TXNRD2: variants seen among roughly 807,000 people sequenced by gnomAD.
TXNRD2 encodes the protein thioredoxin reductase 2.
A neutral mutation model predicts 70.8 loss-of-function variants in TXNRD2; 67 were observed. The ratio of observed to expected loss-of-function variants is 0.95; its 90% confidence interval spans 0.78 to 1.16. TXNRD2 has a LOEUF of 1.16. Ranked by LOEUF, TXNRD2 falls within the 50% of genes most tolerant of loss-of-function variation. The probability of loss-of-function intolerance (pLI) is 0.00; values close to 1 mark genes in which losing one functional copy is unlikely to be tolerated. For synonymous variants in TXNRD2, 301 were observed against 295.8 expected (o/e 1.02, Z -0.18); for missense variants, 644 against 719.9 (o/e 0.89, Z 1.21).
Position 19,880,202 on chromosome 22 carries a change from G to A in TXNRD2, c.1252C>T (p.Arg418Cys), listed in dbSNP as rs771161029. ...ACCTCAACATGCTCCTGCCCGTGGC[G>A]AGCCACTGCCTCCTCCTCGGACAGC... Reference protein sequence around the residue: ...VGLSEEEAVARHGQEHVEVYH... With the variant: ...VGLSEEEAVACHGQEHVEVYH... Residue 418 changes from arginine (R) to cysteine (C), a missense_variant, in exon 14 of 18, where the codon CGC (arginine) becomes TGC (cysteine). Arg to Cys is a radical substitution (Grantham distance 180, BLOSUM62 -3). This residue lies in a region of TXNRD2 where 566 missense variants were observed against 645.0 expected (regional missense o/e 0.88). Transcript: ENST00000400521. 6.8e-6 allele frequency: 11 copies of A among 1,613,396 alleles called. No homozygotes were observed. Among genetic ancestry groups the A allele is most frequent in the African/African-American group, 1.3e-5 (1 of 74,930 alleles).
chr22:19,929,200 G>A (rs1422836877), intron 2 of TXNRD2, among the ~76,000 whole-genome samples: 4 of 151,752 alleles, frequency 2.6e-5, no homozygotes, highest in East Asian at 1.9e-4. Context: ...GGTGGTGGGC[G>A]CCTGTAGTCC....
chr22:19,915,321 G>T, intron 6 of TXNRD2, 45 bp from the exon 7 acceptor site: 1 of 1,592,146 alleles, frequency 6.3e-7, no homozygotes, highest in Non-Finnish European at 8.6e-7. Flanking sequence ...GGTGCATGGT[G>T]ATCACCCCAC....
rs61736929 is a variant in TXNRD2, at chr22:19,915,767, C to G, written c.526G>C (p.Glu176Gln). The change falls in exon 6 of 18, where the codon GAG becomes CAG. Residue 176 changes from glutamate to glutamine, a missense_variant and splice_region_variant. Transcript: ENST00000400521. ...ACGCGAGTAAGTCAGATGCTCACCT[C>G]TTTCCCACCTTTGGCAACGCCGCAA... ...TVCGVAKGGK[E>Q]ILLSADHIII... The G allele has an allele frequency of 4.1e-3, 6,578 of 1,614,186 alleles. 252 individuals are homozygous for G. In the African/African-American group the frequency reaches 0.079, roughly 19 times the overall value.
Position 19,911,373 on chromosome 22 carries a change from T to C in TXNRD2, c.662+4A>G. 1 of 1,613,164 alleles carries C rather than the reference T, an allele frequency of 6.2e-7. No homozygotes were observed. Among genetic ancestry groups the C allele is most frequent in the Non-Finnish European group, 8.5e-7 (1 of 1,179,142 alleles). On this transcript the variant is annotated splice_donor_region_variant and intron_variant, in intron 8 of 17. Coordinates refer to ENST00000400521, the MANE Select transcript of TXNRD2 (RefSeq NM_006440.5). The stretch of plus-strand genomic sequence containing the variant: ...GGACCCCACCAAGCACGCGCAGGCC[T>C]TACGTTTTTCCAGGGGATTCCTTCA...
intron 11 of TXNRD2, among the ~76,000 whole-genome samples, chr22:19,893,177 C>G (rs1375606836): frequency 1.3e-5 from 2 of 152,228 alleles, no homozygotes; most frequent in Non-Finnish European, 2.9e-5. Context: ...GACACTGACC[C>G]CTGGCCAGCC....
intron 8 of TXNRD2, among the ~76,000 whole-genome samples, chr22:19,904,767 A>G (rs1939932932): frequency 6.6e-6 from 1 of 152,032 alleles, no homozygotes. Context: ...CAGAGTGCCC[A>G]CTGCAGGAGG....
rs1938724361 is a variant in TXNRD2, at chr22:19,880,622, A to G, written c.1182T>C (p.Asn394=). The G allele has an allele frequency of 1.2e-6, 2 of 1,613,166 alleles. No homozygotes were observed. The highest frequency in any genetic ancestry group is 1.7e-6 in the Non-Finnish European group (2 of 1,179,892). ...CGTGGCGTCCTGCTAGAGAACTCAC[A>G]TTGTCGTAGTCCATCAGATCTGAGG... The part of the protein sequence containing the change: ...GGSSDLMDYD[N]VPTTVFTPLE... The change falls in exon 13 of 18, where the codon AAT becomes AAC. Residue 394 remains asparagine, a splice_region_variant and synonymous_variant. Coordinates refer to ENST00000400521, the MANE Select transcript of TXNRD2 (RefSeq NM_006440.5).
At chr22:19,885,415 G>T (rs1029545614) in intron 11 of TXNRD2, among the ~76,000 whole-genome samples, 1 of 152,356 alleles carries the variant, frequency 6.6e-6, no homozygotes, top group Middle Eastern at 3.4e-3. Flanking sequence ...CTGTCCCGGG[G>T]CAGGAGTCAA....
intron 11 of TXNRD2, among the ~76,000 whole-genome samples, chr22:19,889,635 T>A (rs1939181167): frequency 6.6e-6 from 1 of 151,458 alleles, no homozygotes; most frequent in Non-Finnish European, 1.5e-5. Flanking sequence ...ACAATTATTA[T>A]TATTATTATT....
intron 5 of TXNRD2, chr22:19,916,093 C>T (rs1601449161): frequency 2.1e-6 from 1 of 483,326 alleles, no homozygotes; most frequent in Non-Finnish European, 3.8e-6. Context: ...CGGAAGCCAG[C>T]TCAGCACGGT....
intron 8 of TXNRD2, among the ~76,000 whole-genome samples, chr22:19,908,417 C>G (rs1940171179): frequency 6.6e-6 from 1 of 151,906 alleles, no homozygotes; most frequent in African/African-American, 2.4e-5. Flanking sequence ...CTAGGATGGC[C>G]ACTGTCAAAA....
intron 16 of TXNRD2, 80 bp downstream of exon 16, chr22:19,878,010 G>A: frequency 4.2e-6 from 5 of 1,192,534 alleles, no homozygotes; most frequent in Non-Finnish European, 6.1e-6. Context: ...AGTGGCAGCA[G>A]CTCTCCACTG....
chr22:19,913,212 A>G (rs1940492121), intron 7 of TXNRD2, among the ~76,000 whole-genome samples: 1 of 152,264 alleles, frequency 6.6e-6, no homozygotes, highest in Non-Finnish European at 1.5e-5. Context: ...AAACAGCGAT[A>G]AAACTGGCAA....
rs138462062 is a variant in TXNRD2, at chr22:19,915,788, C to T, written c.505G>A (p.Gly169Ser). 2.3e-4 allele frequency: 367 copies of T among 1,614,176 alleles called. No homozygotes were observed. In the African/African-American group the frequency reaches 4.4e-3, roughly 19 times the overall value. Reference protein sequence around the residue: ...ASFVDEHTVCGVAKGGKEILL... With the variant: ...ASFVDEHTVCSVAKGGKEILL... ...ACCTCTTTCCCACCTTTGGCAACGC[C>T]GCAAACCGTGTGCTCGTCAACAAAG... The change falls in exon 6 of 18, where the codon GGC (glycine) becomes AGC (serine). Residue 169 changes from glycine (G) to serine (S), a missense_variant. Gly to Ser is a moderately conservative substitution (Grantham distance 56, BLOSUM62 0). Transcript: ENST00000400521.
chr22:19,918,296 A>T, intron 4 of TXNRD2, 79 bp from the exon 5 acceptor site: 2 of 1,224,508 alleles, frequency 1.6e-6, no homozygotes, highest in Non-Finnish European at 2.4e-6. Context: ...TATTAGATTC[A>T]AATGGTACAT....
At chr22:19,933,962 G>A (rs1238394214) in intron 1 of TXNRD2, among the ~76,000 whole-genome samples, 1 of 152,202 alleles carries the variant, frequency 6.6e-6, no homozygotes, top group Non-Finnish European at 1.5e-5. Context: ...TGAACCCACT[G>A]CCTGGTACAG....
At chr22:19,922,976 C>G (rs2146062446) in intron 2 of TXNRD2, among the ~76,000 whole-genome samples, 1 of 152,280 alleles carries the variant, frequency 6.6e-6, no homozygotes, top group Middle Eastern at 3.4e-3. Context: ...CGTGAGCCAC[C>G]ATGCCCGGCC....
intron 2 of TXNRD2, among the ~76,000 whole-genome samples, chr22:19,929,184 G>A (rs35678306): frequency 0.23 from 34,450 of 151,138 alleles, 4,433 homozygotes; most frequent in African/African-American, 0.35. Context: ...AAAATTAGCC[G>A]GGCGTGGTGG....
At chr22:19,933,452 G>C (rs1368666283) in intron 1 of TXNRD2, 2 of 1,289,638 alleles carry the variant, frequency 1.6e-6, no homozygotes, top group Non-Finnish European at 2.0e-6. Flanking sequence ...GCAGGTGCCT[G>C]TCCTTCTTGT....
Sources: allele counts gnomAD v4.1 joint callset (sites outside exome capture counted in the v4.1 genomes callset), GRCh38; gene constraint gnomAD v4.1.1; regional missense constraint gnomAD v4.1.1; transcripts MANE v1.5; gene names NCBI Gene and HGNC (gene_info 2026-07-23, HGNC 2026-07-21).